Variants in PIWIL1 observed in about 807,000 individuals in gnomAD.
PIWIL1 encodes piwi like RNA-mediated gene silencing 1, also known as piwi-like protein 1.
Under a neutral mutation model 114.4 loss-of-function variants are expected in PIWIL1, and 73 were observed. The ratio of observed to expected loss-of-function variants is 0.64; its 90% CI spans 0.53 to 0.78. The LOEUF is 0.78. Among genes scored for constraint, PIWIL1 ranks in the 30% least tolerant of loss-of-function variants. PIWIL1 has a pLI of 0.00. For synonymous variants in PIWIL1, 375 were observed against 369.0 expected, an observed-to-expected ratio of 1.02 and a Z score of -0.19; for missense variants, 723 against 1,063.1, an observed-to-expected ratio of 0.68 and a Z score of 4.45.
the PIWIL1 span, among the ~76,000 whole-genome samples, chr12:130,415,019 T>C: frequency 6.6e-6 from 1 of 152,178 alleles, no homozygotes; most frequent in East Asian, 1.9e-4. Context: ...TTCCAAAAAA[T>C]TGAGGAGAAA....
chr12:130,372,886 C>G (rs2073839404), downstream of PIWIL1, among the ~76,000 whole-genome samples: 1 of 152,108 alleles, frequency 6.6e-6, no homozygotes, highest in Non-Finnish European at 1.5e-5. Context: ...CCCGGGAACA[C>G]CTTTAAACAT....
the PIWIL1 span, chr12:130,407,655 A>G: frequency 2.5e-6 from 3 of 1,198,626 alleles, no homozygotes; most frequent in African/African-American, 4.5e-5. Context: ...ACGTGGCCTC[A>G]GTGTGGTGTA....
At chr12:130,367,585 T>G (rs1265605319) in intron 19 of PIWIL1, among the ~76,000 whole-genome samples, 1 of 152,244 alleles carries the variant, frequency 6.6e-6, no homozygotes, top group African/African-American at 2.4e-5. Context: ...GATTGTTTTC[T>G]AGTAAAAAGT....
chr12:130,339,296 C>T (rs539722753), intron 1 of PIWIL1, among the ~76,000 whole-genome samples: 11 of 152,268 alleles, frequency 7.2e-5, no homozygotes, highest in African/African-American at 2.4e-4. Flanking sequence ...ATGCTCTCGC[C>T]GTCTTCAGCC....
chr12:130,378,433 C>G, the PIWIL1 span, among the ~76,000 whole-genome samples: 1 of 152,168 alleles, frequency 6.6e-6, no homozygotes, highest in African/African-American at 2.4e-5. Context: ...ATGAAAAACA[C>G]TGTTGAGGAT....
intron 1 of PIWIL1, among the ~76,000 whole-genome samples, chr12:130,340,325 G>T (rs2072871926): frequency 1.3e-5 from 2 of 152,110 alleles, no homozygotes; most frequent in South Asian, 2.1e-4. Flanking sequence ...GCAGTCCCCA[G>T]TCTTTTTGGC....
chr12:130,410,317 C>G, the PIWIL1 span, among the ~76,000 whole-genome samples: 55 of 152,304 alleles, frequency 3.6e-4, no homozygotes, highest in South Asian at 0.011. Context: ...CAAGGATTTT[C>G]TGCCAGCCTG....
the PIWIL1 span, chr12:130,407,654 C>T: frequency 8.3e-7 from 1 of 1,197,758 alleles, no homozygotes; most frequent in Non-Finnish European, 1.3e-6. Flanking sequence ...CACGTGGCCT[C>T]AGTGTGGTGT....
chr12:130,399,662 T>A, the PIWIL1 span: 1 of 1,613,922 alleles, frequency 6.2e-7, no homozygotes, highest in East Asian at 2.2e-5. Flanking sequence ...TTAAAAAGGC[T>A]AAATAGGTTT....
In PIWIL1 at chr12:130,354,876, T is replaced by G. The variant is rs1392872906; in HGVS notation, c.1172-12T>G. ...TTCTTTAACCATATGCCTTTAAATG[T>G]CTTATTTAAAGGTCTAACTGATAAA... On this transcript the variant is annotated splice_polypyrimidine_tract_variant and intron_variant, in intron 10 of 20. Transcript: ENST00000245255. 1 of 1,546,118 alleles carries G rather than the reference T, an allele frequency of 6.5e-7. No individual in the cohort carries two copies. The highest frequency in any genetic ancestry group is 8.9e-7 in the Non-Finnish European group (1 of 1,119,036).
chr12:130,347,100 C>A, intron 6 of PIWIL1, 38 bp downstream of exon 6: 2 of 1,438,418 alleles, frequency 1.4e-6, no homozygotes, highest in African/African-American at 1.4e-5. Flanking sequence ...AAGAAAACAG[C>A]AAAGTTGAAA....
At chr12:130,376,153 C>T (rs201237317), downstream of PIWIL1, among the ~76,000 whole-genome samples, 6 of 152,222 alleles carry the variant, frequency 3.9e-5, no homozygotes, top group South Asian at 2.1e-4. Flanking sequence ...GTCTCCTAGA[C>T]GTCTCCCTTA....
chr12:130,416,702 C>T, the PIWIL1 span, among the ~76,000 whole-genome samples: 1 of 152,170 alleles, frequency 6.6e-6, no homozygotes, highest in Non-Finnish European at 1.5e-5. Context: ...ACAATTGCCA[C>T]ACAAACAAAA....
Position 130,345,627 on chromosome 12 carries a change from T to C in PIWIL1, c.191-126T>C, listed in dbSNP as rs528916099. 5.1e-4 allele frequency: 476 copies of C among 936,144 alleles called. 2 individuals are homozygous for C. The highest frequency in any genetic ancestry group is 2.5e-3 in the South Asian group (141 of 56,784). The allele number at this position is 936,144 out of a possible 1,614,324, so 58.0% of individuals were successfully genotyped here. A position where few individuals can be genotyped will look rare whatever the true frequency, so the allele number is the denominator to read the frequency against. ...AGATACCTAAAACATGTTGATAGGA[T>C]TGTTTTATGCCTTGTCTTCTACACC... On this transcript the variant is annotated intron_variant, in intron 3 of 20. Coordinates refer to ENST00000245255, the MANE Select transcript of PIWIL1 (RefSeq NM_004764.5).
chr12:130,365,612 C>T (rs549493184), intron 18 of PIWIL1, among the ~76,000 whole-genome samples: 1 of 152,202 alleles, frequency 6.6e-6, no homozygotes, highest in East Asian at 1.9e-4. Context: ...CTGATTTAGA[C>T]TGTTTGATGC....
intron 14 of PIWIL1, among the ~76,000 whole-genome samples, chr12:130,358,681 T>C (rs1264111390): frequency 6.6e-6 from 1 of 152,246 alleles, no homozygotes; most frequent in African/African-American, 2.4e-5. Context: ...AGGGGAAAAT[T>C]ACCCCCCTTT....
the PIWIL1 span, among the ~76,000 whole-genome samples, chr12:130,407,204 C>CT: frequency 6.6e-6 from 1 of 152,338 alleles, no homozygotes; most frequent in Non-Finnish European, 1.5e-5. Context: ...TCACATACAT[C>CT]TTGTCATCTC....
In PIWIL1 at chr12:130,349,900, A is replaced by G; in HGVS notation, c.977A>G (p.Gln326Arg). The change falls in exon 9 of 21, where the codon CAG becomes CGG. Residue 326 changes from glutamine (Q) to arginine (R), a missense_variant. This residue lies in a region of PIWIL1 where 298 missense variants were observed against 420.8 expected (regional missense o/e 0.71). Transcript: ENST00000245255. The part of the protein sequence containing the change: ...TYRVDDIDWD[Q>R]NPKSTFKKAD... ...AGAGTGGATGATATTGACTGGGACCAGAATCCCAAGAGCACCTTTAAGAAA... is the reference window on the plus strand; with the variant it reads ...AGAGTGGATGATATTGACTGGGACCGGAATCCCAAGAGCACCTTTAAGAAA... The G allele has an allele frequency of 1.2e-6, 2 of 1,613,224 alleles. No homozygotes were observed. Among genetic ancestry groups the G allele is most frequent in the Non-Finnish European group, 1.7e-6 (2 of 1,179,352 alleles).
chr12:130,399,154 C>T, the PIWIL1 span: 1 of 1,392,660 alleles, frequency 7.2e-7, no homozygotes, highest in Non-Finnish European at 9.4e-7. Flanking sequence ...GAAATGAACA[C>T]TCTTCTTCTG....
Sources: allele counts gnomAD v4.1 joint callset (sites outside exome capture counted in the v4.1 genomes callset), GRCh38; gene constraint gnomAD v4.1.1; regional missense constraint gnomAD v4.1.1; transcripts MANE v1.5; gene names NCBI Gene and HGNC (gene_info 2026-07-23, HGNC 2026-07-21).